The following MALRD1 variants were observed in gnomAD, a reference collection of about 807,000 sequenced individuals.
MALRD1 encodes MAM and LDL-receptor class A domain-containing protein 1.
Under a neutral mutation model 242.1 loss-of-function variants are expected in MALRD1, and 247 were observed. That is an observed-to-expected ratio of 1.02 (90% CI 0.92 to 1.13). The LOEUF is 1.13. MALRD1 is among the 50% of genes most tolerant of loss of function. The pLI is 0.00. For missense variants in MALRD1, 2,989 were observed against 2,533.1 expected (o/e 1.18, Z -3.86); for synonymous variants, 995 against 866.6 (o/e 1.15, Z -2.60).
chr10:19,327,799 G>C, intron 23 of MALRD1, 126 bp downstream of exon 23: 1 of 727,178 alleles, frequency 1.4e-6, no homozygotes, highest in Non-Finnish European at 2.3e-6. Flanking sequence ...TGGATGCGTG[G>C]ACACCATGCT....
chr10:19,550,191 G>C (rs1164335552), intron 32 of MALRD1, among the ~76,000 whole-genome samples: 1 of 151,912 alleles, frequency 6.6e-6, no homozygotes, highest in Admixed American at 6.6e-5. Context: ...TCCTAATTCT[G>C]ATTGTTCTAA....
intron 36 of MALRD1, among the ~76,000 whole-genome samples, chr10:19,654,721 A>ATT (rs1161250611): frequency 6.6e-6 from 1 of 152,228 alleles, no homozygotes; most frequent in African/African-American, 2.4e-5. Context: ...GTACAGTAAA[A>ATT]TACAAATGAG....
intron 26 of MALRD1, among the ~76,000 whole-genome samples, chr10:19,354,764 A>G (rs927353142): frequency 1.3e-5 from 2 of 152,168 alleles, no homozygotes; most frequent in Non-Finnish European, 2.9e-5. Context: ...TGTTCCCAAC[A>G]TTTAAAAAAA....
At chr10:19,336,269 C>T (rs1564572768) in intron 24 of MALRD1, among the ~76,000 whole-genome samples, 1 of 152,070 alleles carries the variant, frequency 6.6e-6, no homozygotes, top group African/African-American at 2.4e-5. Flanking sequence ...GGGAAACAAC[C>T]ATTTTATTAG....
At chr10:19,541,994 G>C (rs1589220728) in intron 32 of MALRD1, among the ~76,000 whole-genome samples, 1 of 152,120 alleles carries the variant, frequency 6.6e-6, no homozygotes, top group East Asian at 1.9e-4. Context: ...AAGAGAAAGA[G>C]CTAATCTAAT....
chr10:19,584,683 G>GA (rs1349067458), intron 33 of MALRD1, among the ~76,000 whole-genome samples: 2 of 151,662 alleles, frequency 1.3e-5, no homozygotes, highest in Non-Finnish European at 3.0e-5. Flanking sequence ...GTGTGGTGCT[G>GA]AAAAAAATGT....
chr10:19,578,071 A>G (rs1307604549), intron 33 of MALRD1, among the ~76,000 whole-genome samples: 2 of 152,124 alleles, frequency 1.3e-5, no homozygotes, highest in African/African-American at 2.4e-5. Context: ...ACTTTATAAA[A>G]ACAAGTTCAT....
intron 28 of MALRD1, among the ~76,000 whole-genome samples, chr10:19,398,825 TA>T (rs2130846275): frequency 6.6e-6 from 1 of 152,344 alleles, no homozygotes; most frequent in Non-Finnish European, 1.5e-5. Flanking sequence ...AAATTTGAGA[TA>T]CATTAAGTCA....
chr10:19,563,648 A>G (rs1042349786), intron 32 of MALRD1, among the ~76,000 whole-genome samples: 1 of 152,202 alleles, frequency 6.6e-6, no homozygotes, highest in South Asian at 2.1e-4. Flanking sequence ...CCTGCCTTCA[A>G]CATTGCAGGC....
chr10:19,541,669 G>A (rs1224260671), intron 32 of MALRD1, among the ~76,000 whole-genome samples: 1 of 152,154 alleles, frequency 6.6e-6, no homozygotes, highest in Non-Finnish European at 1.5e-5. Flanking sequence ...TGGTGTGCCA[G>A]AGACACTTAG....
At chr10:19,377,034 C>A (rs145001052) in intron 26 of MALRD1, among the ~76,000 whole-genome samples, 1 of 152,256 alleles carries the variant, frequency 6.6e-6, no homozygotes, top group East Asian at 1.9e-4. Flanking sequence ...TGGTACAATT[C>A]TTAGAACAGG....
intron 19 of MALRD1, among the ~76,000 whole-genome samples, chr10:19,275,429 G>A (rs1840462197): frequency 6.6e-6 from 1 of 152,132 alleles, no homozygotes; most frequent in Admixed American, 6.5e-5. Context: ...AGCACTTTGG[G>A]AGGCCAAGGC....
At chr10:19,701,365 G>T (rs1321564547) in intron 38 of MALRD1, among the ~76,000 whole-genome samples, 2 of 152,004 alleles carry the variant, frequency 1.3e-5, no homozygotes, top group African/African-American at 4.8e-5. Context: ...GGATAGTTCT[G>T]GGGAATCATT....
At chr10:19,660,511 G>A (rs749217691) in intron 36 of MALRD1, among the ~76,000 whole-genome samples, 4 of 152,046 alleles carry the variant, frequency 2.6e-5, no homozygotes, top group African/African-American at 9.7e-5. Flanking sequence ...AGCATCCTAG[G>A]CATGTTTACA....
chr10:19,197,854 C>G (rs1486514312), intron 14 of MALRD1, among the ~76,000 whole-genome samples: 4 of 152,130 alleles, frequency 2.6e-5, no homozygotes, highest in African/African-American at 9.7e-5. Context: ...TCCATGAGGA[C>G]AGAGGTTTTC....
At position 19,670,890 on chromosome 10, in the gene MALRD1, T is replaced by A. The variant is rs1482864430; in HGVS notation, c.6138-21392T>A. ...TCAACAAAACAATCATTTTTTTTTT[T>A]TTTTTTGAGATGGAGTCTTGCTCTG... On this transcript the variant is annotated intron_variant, in intron 36 of 39. Transcript: ENST00000454679. Among the ~76,000 whole-genome samples, 3 of 151,548 alleles carry A rather than the reference T, an allele frequency of 2.0e-5. No homozygotes were observed. In the East Asian group the frequency reaches 5.8e-4, roughly 29 times the overall value.
Position 19,351,053 on chromosome 10 carries a change from G to A in MALRD1, c.4150-953G>A, listed in dbSNP as rs1844354260. The stretch of plus-strand genomic sequence containing the variant: ...GGGAGATGGGTAGAGTCACTGCATG[G>A]CTCACCCATTCTTGGTTGATCCTTT... On this transcript the variant is annotated intron_variant, in intron 25 of 39. Coordinates refer to ENST00000454679, the MANE Select transcript of MALRD1 (RefSeq NM_001142308.3). Among the ~76,000 whole-genome samples, 2 of 152,192 alleles carry A rather than the reference G, an allele frequency of 1.3e-5. 1 individual carries two copies. The highest frequency in any genetic ancestry group is 4.8e-5 in the African/African-American group (2 of 41,452).
chr10:19,516,264 G>A (rs1004649049), intron 31 of MALRD1, among the ~76,000 whole-genome samples: 8 of 152,040 alleles, frequency 5.3e-5, no homozygotes, highest in African/African-American at 1.9e-4. Flanking sequence ...AGAGTTTAAG[G>A]AATATCTAAT....
At chr10:19,287,020 G>A (rs971894380) in intron 21 of MALRD1, among the ~76,000 whole-genome samples, 4 of 151,882 alleles carry the variant, frequency 2.6e-5, no homozygotes, top group East Asian at 1.9e-4. Flanking sequence ...TTCAATATAC[G>A]CAAATCAATA....
Sources: allele counts gnomAD v4.1 joint callset (sites outside exome capture counted in the v4.1 genomes callset), GRCh38; gene constraint gnomAD v4.1.1; transcripts MANE v1.5; gene names NCBI Gene and HGNC (gene_info 2026-07-23, HGNC 2026-07-21).